PTPRG: variants seen among roughly 807,000 people sequenced by gnomAD.
PTPRG encodes the protein protein tyrosine phosphatase receptor type G, also known as receptor-type tyrosine-protein phosphatase gamma.
PTPRG carries 102 observed loss-of-function variants against 165.3 expected under a neutral mutation model. That is an observed-to-expected ratio of 0.62 (90% CI 0.53 to 0.73). PTPRG has a LOEUF of 0.73. Ranked by LOEUF, PTPRG falls within the 30% of genes least tolerant of loss-of-function variation. The probability of loss-of-function intolerance (pLI) is 0.00; values close to 1 mark genes in which losing one functional copy is unlikely to be tolerated. For synonymous variants in PTPRG, 675 were observed against 669.5 expected, an observed-to-expected ratio of 1.01 and a Z score of -0.13; for missense variants, 1,866 against 1,861.4, an observed-to-expected ratio of 1.00 and a Z score of -0.05.
intron 5 of PTPRG, among the ~76,000 whole-genome samples, chr3:62,108,126 C>T (rs1576011853): frequency 6.6e-6 from 1 of 151,796 alleles, no homozygotes. Context: ...TACACGTGCC[C>T]TGGTGGTTTG....
chr3:61,985,656 G>C (rs979142192), intron 2 of PTPRG, among the ~76,000 whole-genome samples: 1 of 152,166 alleles, frequency 6.6e-6, no homozygotes. Flanking sequence ...GACTGAGCAA[G>C]TGTCGATTCT....
chr3:61,677,597 T>G (rs1410102832), intron 1 of PTPRG, among the ~76,000 whole-genome samples: 3 of 152,200 alleles, frequency 2.0e-5, no homozygotes, highest in Non-Finnish European at 2.9e-5. Context: ...GATCTAGGCC[T>G]GTGATTAAAA....
chr3:61,954,673 A>G (rs973242449), intron 2 of PTPRG, among the ~76,000 whole-genome samples: 2 of 152,178 alleles, frequency 1.3e-5, no homozygotes, highest in Non-Finnish European at 2.9e-5. Flanking sequence ...TCAGACACTG[A>G]CACTTGTAAG....
At chr3:62,026,851 A>C (rs1575906667) in intron 4 of PTPRG, among the ~76,000 whole-genome samples, 1 of 136,936 alleles carries the variant, frequency 7.3e-6, no homozygotes, top group African/African-American at 2.8e-5. Flanking sequence ...GCACTGCTGC[A>C]CTCCAGCCTG....
intron 1 of PTPRG, among the ~76,000 whole-genome samples, chr3:61,574,363 G>A (rs747447087): frequency 1.3e-5 from 2 of 152,188 alleles, no homozygotes; most frequent in Non-Finnish European, 2.9e-5. Flanking sequence ...ATGTTGGCTG[G>A]TGCATCATGG....
In PTPRG at chr3:62,273,864, T is replaced by A; in HGVS notation, c.3465+20T>A. 1 of 1,610,576 alleles carries A rather than the reference T, an allele frequency of 6.2e-7. No individual in the cohort carries two copies. The highest frequency in any genetic ancestry group is 8.5e-7 in the Non-Finnish European group (1 of 1,177,568). On this transcript the variant is annotated intron_variant, in intron 23 of 29. Transcript: ENST00000474889. The surrounding 1 kb of genome is among the most constrained non-coding windows in gnomAD (Gnocchi z 4.1). ...TTCAAGGTAGTGCTTTGAAAAAGTT[T>A]CTTTGGCATAAAGCAAGAAAATGTT...
chr3:62,163,418 A>T (rs1704845476), intron 7 of PTPRG, among the ~76,000 whole-genome samples: 1 of 151,972 alleles, frequency 6.6e-6, no homozygotes, highest in South Asian at 2.1e-4. Flanking sequence ...TGTAATAGGC[A>T]CTCAGCAAAT....
At chr3:62,105,684 G>C (rs1702450729) in intron 5 of PTPRG, among the ~76,000 whole-genome samples, 2 of 152,128 alleles carry the variant, frequency 1.3e-5, no homozygotes, top group African/African-American at 4.8e-5. Flanking sequence ...CCACAATATG[G>C]GTGGATTTGG....
chr3:61,979,932 T>C (rs1390781909), intron 2 of PTPRG, among the ~76,000 whole-genome samples: 1 of 146,268 alleles, frequency 6.8e-6, no homozygotes, highest in Admixed American at 6.9e-5. Context: ...TTTTAATTTC[T>C]TTTTTTTTTT....
intron 1 of PTPRG, among the ~76,000 whole-genome samples, chr3:61,689,512 A>C (rs2030018101): frequency 6.6e-6 from 1 of 152,236 alleles, no homozygotes; most frequent in Admixed American, 6.5e-5. Flanking sequence ...CTGCTATGGC[A>C]GCTGAAACTA....
intron 2 of PTPRG, among the ~76,000 whole-genome samples, chr3:61,816,350 C>T (rs1020433498): frequency 3.3e-5 from 5 of 151,992 alleles, no homozygotes; most frequent in Admixed American, 1.3e-4. Flanking sequence ...GCCAACATGG[C>T]GAAACTCCAT....
chr3:62,096,069 G>A (rs1575997595), intron 5 of PTPRG, among the ~76,000 whole-genome samples: 1 of 152,180 alleles, frequency 6.6e-6, no homozygotes, highest in Admixed American at 6.5e-5. Flanking sequence ...GAGCACTACC[G>A]AGAGAGTTGA....
intron 2 of PTPRG, among the ~76,000 whole-genome samples, chr3:61,889,333 C>T (rs577823749): frequency 8.5e-5 from 13 of 152,212 alleles, no homozygotes; most frequent in African/African-American, 2.9e-4. Flanking sequence ...TTGCCTTATT[C>T]GGTGGGTTAT....
intron 2 of PTPRG, among the ~76,000 whole-genome samples, chr3:61,946,026 C>A (rs1325285910): frequency 6.6e-6 from 1 of 152,072 alleles, no homozygotes; most frequent in African/African-American, 2.4e-5. Context: ...TTACTATTAT[C>A]TCTCTCTTTG....
rs533723675 is a variant in PTPRG, at chr3:62,296,153, G to A, written c.*2846G>A. The stretch of plus-strand genomic sequence containing the variant: ...ATCAGGAGAACTCTTTCTTATATGC[G>A]ATAGCCAAGATATCTTCTTTAATAT... On this transcript the variant is annotated 3_prime_UTR_variant, in exon 30 of 30. Coordinates refer to ENST00000474889, the MANE Select transcript of PTPRG (RefSeq NM_002841.4). The A allele has an allele frequency of 6.6e-6, 1 of 152,086 alleles. No homozygotes were observed. The highest frequency in any genetic ancestry group is 1.5e-5 in the Non-Finnish European group (1 of 67,942). 9.4% of individuals were successfully genotyped at this position (152,086 alleles called of 1,614,324 possible).
chr3:61,584,362 T>C (rs1006738986), intron 1 of PTPRG, among the ~76,000 whole-genome samples: 1 of 152,218 alleles, frequency 6.6e-6, no homozygotes, highest in African/African-American at 2.4e-5. Context: ...CTGTCATGTT[T>C]TAACTACTCC....
intron 2 of PTPRG, among the ~76,000 whole-genome samples, chr3:61,879,189 T>C (rs1204576823): frequency 6.6e-6 from 1 of 152,238 alleles, no homozygotes. Flanking sequence ...CTGTTCACTT[T>C]ACATGGTGAT....
intron 2 of PTPRG, among the ~76,000 whole-genome samples, chr3:61,950,264 TCTTA>T (rs1156346536): frequency 2.6e-5 from 4 of 152,228 alleles, no homozygotes; most frequent in South Asian, 2.1e-4. Flanking sequence ...CTTTCTGCCA[TCTTA>T]CTTACTTCCT....
intron 2 of PTPRG, among the ~76,000 whole-genome samples, chr3:61,891,964 A>G (rs1391792846): frequency 6.6e-6 from 1 of 152,164 alleles, no homozygotes; most frequent in Non-Finnish European, 1.5e-5. Flanking sequence ...AATAAATTTA[A>G]TCTTTAAAAT....
Sources: allele counts gnomAD v4.1 joint callset (sites outside exome capture counted in the v4.1 genomes callset), GRCh38; gene constraint gnomAD v4.1.1; non-coding constraint Gnocchi (gnomAD v3.1); transcripts MANE v1.5; gene names NCBI Gene and HGNC (gene_info 2026-07-23, HGNC 2026-07-21).